Variants in SLC39A11 observed in about 807,000 individuals in gnomAD.
SLC39A11 encodes the protein solute carrier family 39 member 11.
Under a neutral mutation model 36.1 loss-of-function variants are expected in SLC39A11, and 33 were observed. The ratio of observed to expected loss-of-function variants is 0.91; its 90% confidence interval spans 0.69 to 1.22. SLC39A11 has a LOEUF of 1.22. SLC39A11 is among the 50% of genes most tolerant of loss of function. The pLI is 0.00. For missense variants in SLC39A11, 432 were observed against 430.3 expected (o/e 1.00, Z -0.03); for synonymous variants, 166 against 170.3 (o/e 0.97, Z 0.20).
At chr17:73,063,689 G>A (rs746169887) in intron 3 of SLC39A11, among the ~76,000 whole-genome samples, 3 of 152,048 alleles carry the variant, frequency 2.0e-5, no homozygotes, top group African/African-American at 2.4e-5. Flanking sequence ...ATGAGGTAAC[G>A]GATGAGAAAG....
chr17:73,091,629 A>G (rs537019986), intron 1 of SLC39A11, among the ~76,000 whole-genome samples: 4 of 152,250 alleles, frequency 2.6e-5, no homozygotes, highest in African/African-American at 9.6e-5. Flanking sequence ...CAAGAGAACA[A>G]GAAGTTTTCT....
chr17:72,823,564 A>G (rs2077886841), intron 6 of SLC39A11: 2 of 151,394 alleles, frequency 1.3e-5, no homozygotes, highest in South Asian at 4.2e-4. Flanking sequence ...CAAGCCACAA[A>G]GTAGTTTCAT....
chr17:73,005,473 A>G (rs1598815371), intron 4 of SLC39A11, among the ~76,000 whole-genome samples: 1 of 152,252 alleles, frequency 6.6e-6, no homozygotes, highest in African/African-American at 2.4e-5. Context: ...CCACCCTCTC[A>G]CAATTAATTT....
chr17:72,877,674 A>G (rs1379727313), intron 5 of SLC39A11, among the ~76,000 whole-genome samples: 2 of 152,076 alleles, frequency 1.3e-5, no homozygotes, highest in African/African-American at 2.4e-5. Context: ...TGATGTCCCT[A>G]TTAGGAGCTG....
chr17:73,049,978 C>T (rs1225424195), intron 3 of SLC39A11, among the ~76,000 whole-genome samples: 1 of 152,076 alleles, frequency 6.6e-6, no homozygotes, highest in African/African-American at 2.4e-5. Flanking sequence ...CAAAAATTAG[C>T]CGGGCGGAGT....
chr17:72,670,853 C>G lies in SLC39A11; in HGVS notation c.672-21585G>C, dbSNP rs1236211676. On this transcript the variant is annotated intron_variant, in intron 7 of 9. Transcript: ENST00000255559. Reference sequence around the variant, plus strand: ...CCCTAGTCCTTGAATCAACTACTTCCCCAAGAGGTTCTGGTCCCTTTTGCT... The same window carrying G: ...CCCTAGTCCTTGAATCAACTACTTCGCCAAGAGGTTCTGGTCCCTTTTGCT... Among the ~76,000 whole-genome samples, 7 of 152,302 alleles carry G rather than the reference C, an allele frequency of 4.6e-5. No homozygotes were observed. The East Asian group carries it at 1.3e-3, about 29-fold the overall frequency.
At chr17:72,695,688 G>T (rs2072262260) in intron 7 of SLC39A11, among the ~76,000 whole-genome samples, 1 of 152,126 alleles carries the variant, frequency 6.6e-6, no homozygotes, top group South Asian at 2.1e-4. Context: ...ATCTAGGTGG[G>T]CCCTGAATTC....
intron 6 of SLC39A11, among the ~76,000 whole-genome samples, chr17:72,771,545 AAGCTCCATGGT>A: frequency 6.6e-6 from 1 of 152,082 alleles, no homozygotes; most frequent in Non-Finnish European, 1.5e-5. Flanking sequence ...TGCAGCTGAG[AAGCTCCATGGT>A]AGGATGGATT....
intron 5 of SLC39A11, among the ~76,000 whole-genome samples, chr17:72,888,502 C>A (rs2081549321): frequency 6.6e-6 from 1 of 152,172 alleles, no homozygotes; most frequent in South Asian, 2.1e-4. Flanking sequence ...CTTCCCTGAC[C>A]TAAATAGAGA....
intron 6 of SLC39A11, among the ~76,000 whole-genome samples, chr17:72,764,796 G>C (rs1205993021): frequency 4.6e-5 from 7 of 152,198 alleles, no homozygotes; most frequent in African/African-American, 1.7e-4. Context: ...ATGAGTATCA[G>C]TGCTGGTGGG....
At chr17:72,764,773 A>G (rs1475805901) in intron 6 of SLC39A11, among the ~76,000 whole-genome samples, 1 of 152,180 alleles carries the variant, frequency 6.6e-6, no homozygotes, top group African/African-American at 2.4e-5. Flanking sequence ...CAGCCCAGCA[A>G]TAGGAGAGAA....
chr17:72,740,844 G>C (rs918127411), intron 6 of SLC39A11, among the ~76,000 whole-genome samples: 3 of 152,078 alleles, frequency 2.0e-5, no homozygotes, highest in African/African-American at 7.2e-5. Context: ...GCGCAATCTT[G>C]GCTCACCGCA....
At position 73,024,272 on chromosome 17, in the gene SLC39A11, C is replaced by A. The variant is rs111492039; in HGVS notation, c.306+7284G>T. Among the ~76,000 whole-genome samples the A allele has an allele frequency of 1.8e-3, 271 of 152,246 alleles. 1 individual carries two copies. Among genetic ancestry groups the A allele is most frequent in the African/African-American group, 5.9e-3 (246 of 41,536 alleles). ...CAGAAATTTCAACAATAGCTCAACC[C>A]CAGGATGCAGCATATAGCTTGAAGT... is the stretch of plus-strand genomic sequence containing the variant. On this transcript the variant is annotated intron_variant, in intron 4 of 9. Coordinates refer to ENST00000255559, the MANE Select transcript of SLC39A11 (RefSeq NM_139177.4).
chr17:72,879,180 T>G (rs1473596297), intron 5 of SLC39A11, among the ~76,000 whole-genome samples: 1 of 152,226 alleles, frequency 6.6e-6, no homozygotes, highest in Non-Finnish European at 1.5e-5. Context: ...AACCTTGCCC[T>G]TTGGGTTTTT....
At chr17:72,877,667 T>G (rs1279492576) in intron 5 of SLC39A11, among the ~76,000 whole-genome samples, 2 of 152,194 alleles carry the variant, frequency 1.3e-5, no homozygotes, top group Admixed American at 1.3e-4. Context: ...CTGATTCTGA[T>G]GTCCCTATTA....
At chr17:72,965,364 T>C (rs1261556578) in intron 4 of SLC39A11, among the ~76,000 whole-genome samples, 1 of 152,226 alleles carries the variant, frequency 6.6e-6, no homozygotes, top group African/African-American at 2.4e-5. Flanking sequence ...CCCTGGTTTC[T>C]GGCGTTTCAA....
chr17:72,932,585 T>A (rs536226356), intron 5 of SLC39A11, among the ~76,000 whole-genome samples: 36 of 152,004 alleles, frequency 2.4e-4, no homozygotes, highest in Non-Finnish European at 4.4e-4. Context: ...TCAATAAGAA[T>A]CCACACCTGA....
intron 3 of SLC39A11, among the ~76,000 whole-genome samples, chr17:73,035,808 G>A (rs1337976601): frequency 4.3e-5 from 6 of 139,492 alleles, no homozygotes; most frequent in Non-Finnish European, 9.0e-5. Flanking sequence ...AGGTTGCAGC[G>A]AGCCAAGATC....
At chr17:72,816,757 T>A (rs1322789500) in intron 6 of SLC39A11, among the ~76,000 whole-genome samples, 3 of 151,988 alleles carry the variant, frequency 2.0e-5, no homozygotes, top group African/African-American at 7.3e-5. Flanking sequence ...ACTTAATGGG[T>A]TTTAGGGGAG....
Sources: allele counts gnomAD v4.1 joint callset (sites outside exome capture counted in the v4.1 genomes callset), GRCh38; gene constraint gnomAD v4.1.1; transcripts MANE v1.5; gene names NCBI Gene and HGNC (gene_info 2026-07-23, HGNC 2026-07-21).